The following GSG1L variants were observed in gnomAD, a reference collection of about 807,000 sequenced individuals.
GSG1L encodes germ cell-specific gene 1-like protein.
GSG1L carries 24 observed loss-of-function variants against 42.1 expected under a neutral mutation model. That is an observed-to-expected ratio of 0.57 (90% CI 0.41 to 0.80). The LOEUF is 0.80. Among genes scored for constraint, GSG1L ranks in the 30% least tolerant of loss-of-function variants. The pLI, the probability that GSG1L is intolerant of heterozygous loss-of-function variation, is 0.00. For synonymous variants in GSG1L, 215 were observed against 203.5 expected, an observed-to-expected ratio of 1.06 and a Z score of -0.48; for missense variants, 445 against 472.2, an observed-to-expected ratio of 0.94 and a Z score of 0.53.
chr16:27,918,669 A>G (rs966542501), intron 2 of GSG1L, among the ~76,000 whole-genome samples: 13 of 26,224 alleles, frequency 5.0e-4, no homozygotes, highest in African/African-American at 9.2e-4. Context: ...AAAAAAAAGA[A>G]AAAAAAAAAG....
At position 27,858,601 on chromosome 16, in the gene GSG1L, T is replaced by C. The variant is rs193260903; in HGVS notation, c.551-13540A>G. On this transcript the variant is annotated intron_variant, in intron 3 of 6. Coordinates refer to ENST00000447459, the MANE Select transcript of GSG1L (RefSeq NM_001109763.2). ...GGAGTATATAAGACAAAAAGGTCCCTGCCCTCAAGGAGCTGATAGTCTTAT... is the reference window on the plus strand; with the variant it reads ...GGAGTATATAAGACAAAAAGGTCCCCGCCCTCAAGGAGCTGATAGTCTTAT... 3.3e-3 allele frequency among the ~76,000 whole-genome samples: 496 copies of C among 152,314 alleles called. 3 individuals carry two copies. The highest frequency in any genetic ancestry group is 0.011 in the African/African-American group (475 of 41,560).
intron 1 of GSG1L, among the ~76,000 whole-genome samples, chr16:27,967,449 T>C (rs1192213861): frequency 6.6e-6 from 1 of 152,198 alleles, no homozygotes; most frequent in African/African-American, 2.4e-5. Context: ...TGGCTTCCCC[T>C]GCCCCCGCCT....
chr16:27,991,525 C>G (rs1415166869), intron 1 of GSG1L, among the ~76,000 whole-genome samples: 1 of 151,996 alleles, frequency 6.6e-6, no homozygotes, highest in East Asian at 1.9e-4. Flanking sequence ...CTGCCTCAGC[C>G]TCCCGAGTAG....
At chr16:27,849,336 G>A (rs1045334444) in intron 3 of GSG1L, among the ~76,000 whole-genome samples, 3 of 152,124 alleles carry the variant, frequency 2.0e-5, no homozygotes, top group African/African-American at 7.2e-5. Context: ...TATGCAGGAC[G>A]AGAAGTCAGT....
At chr16:27,818,488 A>T (rs1361365857) in intron 5 of GSG1L, among the ~76,000 whole-genome samples, 1 of 152,114 alleles carries the variant, frequency 6.6e-6, no homozygotes, top group Non-Finnish European at 1.5e-5. Flanking sequence ...GGCGATTTCA[A>T]AGGACCCCAA....
chr16:28,009,754 C>T (rs1475186576), intron 1 of GSG1L, among the ~76,000 whole-genome samples: 1 of 152,178 alleles, frequency 6.6e-6, no homozygotes, highest in Non-Finnish European at 1.5e-5. Context: ...CAGTGGGTGA[C>T]CCTGAGGGAG....
At chr16:27,927,739 C>T (rs369954191) in intron 2 of GSG1L, among the ~76,000 whole-genome samples, 66 of 152,316 alleles carry the variant, frequency 4.3e-4, no homozygotes, top group African/African-American at 1.2e-3. Context: ...AAAGTTCATT[C>T]GCCACACACA....
At chr16:27,954,077 C>A (rs939257775) in intron 2 of GSG1L, among the ~76,000 whole-genome samples, 1 of 151,984 alleles carries the variant, frequency 6.6e-6, no homozygotes, top group Non-Finnish European at 1.5e-5. Context: ...TCCCTGGGGG[C>A]ACTCAGGAGG....
chr16:28,062,616 G>A (rs550942706), intron 1 of GSG1L, among the ~76,000 whole-genome samples: 25 of 152,298 alleles, frequency 1.6e-4, no homozygotes, highest in African/African-American at 5.5e-4. Flanking sequence ...GCGGCAGGAG[G>A]GGCGGCTGGT....
At chr16:27,917,062 G>A (rs1010073139) in intron 2 of GSG1L, among the ~76,000 whole-genome samples, 3 of 152,110 alleles carry the variant, frequency 2.0e-5, no homozygotes, top group Non-Finnish European at 2.9e-5. Context: ...AGCTTGCTTC[G>A]TGCTTTTTTT....
intron 5 of GSG1L, among the ~76,000 whole-genome samples, chr16:27,817,071 G>A (rs1337174989): frequency 6.6e-6 from 1 of 152,238 alleles, no homozygotes; most frequent in Non-Finnish European, 1.5e-5. Flanking sequence ...GGCAAGTGAT[G>A]GAGCTGGGAG....
chr16:27,934,491 C>T (rs570798529), intron 2 of GSG1L, among the ~76,000 whole-genome samples: 7 of 152,118 alleles, frequency 4.6e-5, no homozygotes, highest in East Asian at 3.9e-4. Flanking sequence ...GTCTAGATTG[C>T]GCCATTGCAC....
intron 1 of GSG1L, among the ~76,000 whole-genome samples, chr16:27,963,659 T>C (rs896607849): frequency 6.6e-6 from 1 of 152,200 alleles, no homozygotes; most frequent in Non-Finnish European, 1.5e-5. Context: ...AAAGTTCAAA[T>C]TCCCATTTGT....
intron 1 of GSG1L, among the ~76,000 whole-genome samples, chr16:28,041,539 G>A (rs546440033): frequency 1.4e-4 from 22 of 152,300 alleles, no homozygotes; most frequent in South Asian, 6.2e-4. Context: ...GTCGTGGAAT[G>A]AATGAGGGAA....
chr16:27,844,767 C>G (rs1272494482), intron 4 of GSG1L, among the ~76,000 whole-genome samples, 183 bp downstream of exon 4: 1 of 152,174 alleles, frequency 6.6e-6, no homozygotes, highest in Non-Finnish European at 1.5e-5. Context: ...ATTTGACCCA[C>G]AGGCCCTAGT....
intron 5 of GSG1L, among the ~76,000 whole-genome samples, chr16:27,822,990 C>T (rs1413605353): frequency 1.3e-5 from 2 of 152,164 alleles, no homozygotes; most frequent in Non-Finnish European, 2.9e-5. Context: ...CCAAGTGAGG[C>T]GGGTCATTTG....
intron 3 of GSG1L, among the ~76,000 whole-genome samples, chr16:27,855,517 C>T (rs1011325266): frequency 3.9e-5 from 6 of 151,956 alleles, no homozygotes; most frequent in Non-Finnish European, 7.4e-5. Flanking sequence ...GTCAGGAGTT[C>T]GAGACCAACC....
intron 2 of GSG1L, among the ~76,000 whole-genome samples, chr16:27,927,253 A>G (rs2084604638): frequency 6.6e-6 from 1 of 152,012 alleles, no homozygotes; most frequent in South Asian, 2.1e-4. Flanking sequence ...AGGCTCAAGC[A>G]ATCCTCCCAC....
chr16:27,840,032 CTTT>C (rs11329489), intron 4 of GSG1L, among the ~76,000 whole-genome samples: 9 of 129,766 alleles, frequency 6.9e-5, no homozygotes, highest in African/African-American at 5.8e-5. Context: ...TAACCTTAAT[CTTT>C]TTTTTTTTTT....
Sources: allele counts gnomAD v4.1 joint callset (sites outside exome capture counted in the v4.1 genomes callset), GRCh38; gene constraint gnomAD v4.1.1; transcripts MANE v1.5; gene names NCBI Gene and HGNC (gene_info 2026-07-23, HGNC 2026-07-21).